The following PCDHGA4 variants were observed in gnomAD, a reference collection of about 807,000 sequenced individuals.
The protein encoded by PCDHGA4 is protocadherin gamma-A4.
Under a neutral mutation model 54.6 loss-of-function variants are expected in PCDHGA4, and 38 were observed. That is an observed-to-expected ratio of 0.70 (90% CI 0.54 to 0.91). The LOEUF (loss-of-function observed/expected upper bound fraction) is 0.91. PCDHGA4 is among the 40% of genes least tolerant of loss of function. PCDHGA4 has a pLI of 0.00. For missense variants in PCDHGA4, 1,298 were observed against 1,220.9 expected (o/e 1.06, Z -0.94); for synonymous variants, 511 against 512.9 (o/e 1.00, Z 0.05).
intron 1 of PCDHGA4, chr5:141,416,685 A>T (rs1292141199): frequency 1.3e-5 from 2 of 152,384 alleles, no homozygotes; most frequent in East Asian, 3.9e-4. Flanking sequence ...AAGGGAAATT[A>T]TATAAACAAA....
chr5:141,427,109 C>A lies in PCDHGA4; in HGVS notation c.2515-67698C>A, dbSNP rs141512367. On this transcript the variant is annotated intron_variant, in intron 1 of 3. Coordinates refer to ENST00000571252, the MANE Select transcript of PCDHGA4 (RefSeq NM_018917.4). ...AGGATGAGGGTGTCAATGCGGAGAT[C>A]ACCTACTCTTTCAAATCCCTACGAG... 1,737 of 457,784 alleles carry A rather than the reference C, an allele frequency of 3.8e-3. 17 individuals carry two copies. Among genetic ancestry groups the A allele is most frequent in the Admixed American group, 0.01 (426 of 42,600 alleles). 28.4% of individuals were successfully genotyped at this position (457,784 alleles called of 1,614,324 possible). A position where few individuals can be genotyped will look rare whatever the true frequency, so the allele number is the denominator to read the frequency against.
chr5:141,374,622 T>A, intron 1 of PCDHGA4: 3 of 1,613,470 alleles, frequency 1.9e-6, no homozygotes, highest in Non-Finnish European at 2.5e-6. Context: ...CACTTCTCAG[T>A]GGACGTGCAA....
intron 3 of PCDHGA4, among the ~76,000 whole-genome samples, chr5:141,510,511 T>C (rs2099881465): frequency 6.6e-6 from 1 of 152,142 alleles, no homozygotes; most frequent in Non-Finnish European, 1.5e-5. Context: ...TGAGAGCCCG[T>C]GTCACAGCCC....
chr5:141,410,623 G>A (rs2154543147), intron 1 of PCDHGA4: 1 of 1,603,052 alleles, frequency 6.2e-7, no homozygotes, highest in Non-Finnish European at 8.5e-7. Flanking sequence ...TGACTTCGGT[G>A]AGTTTCTCTT....
At chr5:141,362,105 C>T (rs772642653) in intron 1 of PCDHGA4, 18 of 1,613,930 alleles carry the variant, frequency 1.1e-5, no homozygotes, top group Admixed American at 8.3e-5. Context: ...CTCTCCGCTA[C>T]GGCCACGCTG....
chr5:141,408,801 T>C, intron 1 of PCDHGA4: 1 of 1,613,142 alleles, frequency 6.2e-7, no homozygotes, highest in Admixed American at 1.7e-5. Context: ...GAGAAACTCC[T>C]AGACCGGGAA....
At chr5:141,464,035 C>T (rs564886798) in intron 1 of PCDHGA4, among the ~76,000 whole-genome samples, 1 of 152,066 alleles carries the variant, frequency 6.6e-6, no homozygotes, top group African/African-American at 2.4e-5. Context: ...GAGGCCAAGG[C>T]GGGTGGATCA....
At chr5:141,440,558 T>C (rs546919141) in intron 1 of PCDHGA4, 1 of 152,350 alleles carries the variant, frequency 6.6e-6, no homozygotes, top group East Asian at 1.9e-4. Context: ...TGTTATTAAG[T>C]TACGTATCTC....
intron 1 of PCDHGA4, chr5:141,389,055 A>T: frequency 6.2e-7 from 1 of 1,613,996 alleles, no homozygotes; most frequent in Middle Eastern, 1.6e-4. Flanking sequence ...TGTTCCATTT[A>T]AAATATTAAC....
chr5:141,482,505 C>T (rs1183998287), intron 1 of PCDHGA4, among the ~76,000 whole-genome samples: 1 of 122,986 alleles, frequency 8.1e-6, no homozygotes, highest in African/African-American at 3.4e-5. Context: ...TTCTGGTACC[C>T]AGAGTACAGT....
At chr5:141,403,267 C>A in intron 1 of PCDHGA4, 1 of 1,613,888 alleles carries the variant, frequency 6.2e-7, no homozygotes, top group Non-Finnish European at 8.5e-7. Context: ...GTCTGGTGAA[C>A]TTTAAAGTCC....
At position 141,489,077 on chromosome 5, in the gene PCDHGA4, C is replaced by T. The variant is rs957205894; in HGVS notation, c.2515-5730C>T. 7 of 325,682 alleles carry T rather than the reference C, an allele frequency of 2.1e-5. 1 individual carries two copies. Among genetic ancestry groups the T allele is most frequent in the South Asian group, 1.5e-4 (3 of 20,214 alleles). 20.2% of individuals were successfully genotyped at this position (325,682 alleles called of 1,614,324 possible). The stretch of plus-strand genomic sequence containing the variant: ...AGCTCCCCTCCCCCCTGCCCACCCC[C>T]GCCACTCGGTGACTAAGAACTGCTG... On this transcript the variant is annotated intron_variant, in intron 1 of 3. Transcript: ENST00000571252. This position sits in a 1 kb window ranked among gnomAD's most constrained non-coding sequence, Gnocchi z 4.5.
intron 2 of PCDHGA4, among the ~76,000 whole-genome samples, chr5:141,500,901 G>A (rs984072329): frequency 7.6e-5 from 11 of 144,582 alleles, no homozygotes; most frequent in African/African-American, 2.6e-4. Flanking sequence ...AGACAGTCTC[G>A]CTCTGTCTCC....
intron 2 of PCDHGA4, among the ~76,000 whole-genome samples, chr5:141,503,638 T>C (rs1467962880): frequency 1.3e-5 from 2 of 151,908 alleles, no homozygotes; most frequent in Non-Finnish European, 2.9e-5. Flanking sequence ...AAATAATTAT[T>C]GAATCAATGG....
chr5:141,388,040 G>T (rs1561617548), intron 1 of PCDHGA4: 1 of 1,412,752 alleles, frequency 7.1e-7, no homozygotes, highest in East Asian at 2.5e-5. Context: ...ACCTCGCCAC[G>T]GACCTGGGGT....
At position 141,432,749 on chromosome 5, in the gene PCDHGA4, G is replaced by A; in HGVS notation, c.2515-62058G>A. 6.8e-6 allele frequency: 11 copies of A among 1,614,106 alleles called. No homozygotes were observed. The highest frequency in any genetic ancestry group is 9.3e-6 in the Non-Finnish European group (11 of 1,179,980). On this transcript the variant is annotated intron_variant, in intron 1 of 3. Coordinates refer to ENST00000571252, the MANE Select transcript of PCDHGA4 (RefSeq NM_018917.4). The surrounding 1 kb of genome is among the most constrained non-coding windows in gnomAD (Gnocchi z 6.0). ...CGCCACTGTCACGCTCACCGTGGCCGTGGCCGACAGCATCCCCCAAGTCCT... is the reference window on the plus strand; with the variant it reads ...CGCCACTGTCACGCTCACCGTGGCCATGGCCGACAGCATCCCCCAAGTCCT...
chr5:141,418,509 G>A, intron 1 of PCDHGA4: 1 of 1,613,986 alleles, frequency 6.2e-7, no homozygotes. Context: ...GCCTTAGATG[G>A]TGGGGACCCT....
chr5:141,498,848 G>A (rs930895553), intron 2 of PCDHGA4, among the ~76,000 whole-genome samples: 3 of 151,908 alleles, frequency 2.0e-5, no homozygotes, highest in Non-Finnish European at 4.4e-5. Context: ...CAGGGGAATC[G>A]CTTGAACCCA....
At chr5:141,497,722 T>C (rs1395904793) in intron 2 of PCDHGA4, among the ~76,000 whole-genome samples, 1 of 152,030 alleles carries the variant, frequency 6.6e-6, no homozygotes, top group Non-Finnish European at 1.5e-5. Flanking sequence ...GTATTTTTAG[T>C]AGAGATGGGT....
Sources: allele counts gnomAD v4.1 joint callset (sites outside exome capture counted in the v4.1 genomes callset), GRCh38; gene constraint gnomAD v4.1.1; non-coding constraint Gnocchi (gnomAD v3.1); transcripts MANE v1.5; gene names NCBI Gene and HGNC (gene_info 2026-07-23, HGNC 2026-07-21).